The following KLHL2 variants were observed in gnomAD, a reference collection of about 807,000 sequenced individuals.
The protein encoded by KLHL2 is kelch like family member 2.
Under a neutral mutation model 75.8 loss-of-function variants are expected in KLHL2, and 15 were observed. The ratio of observed to expected loss-of-function variants is 0.20; its 90% confidence interval spans 0.13 to 0.30. The LOEUF is 0.30. Among genes scored for constraint, KLHL2 ranks in the 10% least tolerant of loss-of-function variants. KLHL2 has a pLI of 1.00. For missense variants in KLHL2, 381 were observed against 741.0 expected (o/e 0.51, Z 5.64); for synonymous variants, 214 against 251.9 (o/e 0.85, Z 1.42).
chr4:165,295,266 C>T (rs1037287206), intron 6 of KLHL2, among the ~76,000 whole-genome samples: 1 of 152,168 alleles, frequency 6.6e-6, no homozygotes, highest in African/African-American at 2.4e-5. Context: ...CTTAGCATTT[C>T]AAGTTGTGTA....
chr4:165,285,999 T>G (rs1396568337), intron 5 of KLHL2, among the ~76,000 whole-genome samples: 1 of 152,134 alleles, frequency 6.6e-6, no homozygotes, highest in Non-Finnish European at 1.5e-5. Context: ...GTTCTCAGAT[T>G]GGGCAAGATG....
chr4:165,210,120 A>G, intron 1 of KLHL2: 1 of 1,551,686 alleles, frequency 6.4e-7, no homozygotes, highest in East Asian at 2.4e-5. Flanking sequence ...TCAAAGAAAG[A>G]TGACCTGGAC....
At chr4:165,287,572 C>T (rs942358546) in intron 5 of KLHL2, among the ~76,000 whole-genome samples, 2 of 151,682 alleles carry the variant, frequency 1.3e-5, no homozygotes, top group Non-Finnish European at 2.9e-5. Flanking sequence ...AACCTCCATG[C>T]TTTTTTTTAT....
chr4:165,302,709 A>G (rs1745434781), intron 8 of KLHL2, among the ~76,000 whole-genome samples: 1 of 152,042 alleles, frequency 6.6e-6, no homozygotes, highest in Admixed American at 6.5e-5. Flanking sequence ...TTTTAAAAAT[A>G]TTTTTACCCA....
chr4:165,273,505 G>C (rs1429431348), intron 5 of KLHL2, among the ~76,000 whole-genome samples: 2 of 152,172 alleles, frequency 1.3e-5, no homozygotes, highest in African/African-American at 4.8e-5. Flanking sequence ...TGGTGGGAAG[G>C]ACCCAGTGGG....
At chr4:165,286,669 A>G (rs72995990) in intron 5 of KLHL2, among the ~76,000 whole-genome samples, 9,624 of 152,294 alleles carry the variant, frequency 0.063, 590 homozygotes, top group African/African-American at 0.16. Flanking sequence ...GCCAGAGGCT[A>G]TGCCATAACA....
At chr4:165,321,297 TCTC>T (rs777756254) in intron 14 of KLHL2, 21 of 455,960 alleles carry the variant, frequency 4.6e-5, no homozygotes, top group Non-Finnish European at 7.5e-5. Flanking sequence ...CTCTCCTCTT[TCTC>T]CTCCTCCTCA....
chr4:165,289,417 A>T (rs1013319682), intron 5 of KLHL2, among the ~76,000 whole-genome samples: 5 of 151,936 alleles, frequency 3.3e-5, no homozygotes, highest in African/African-American at 9.7e-5. Context: ...GAGAATTAGA[A>T]TTATTTAAAA....
chr4:165,321,946 GTAT>G, intron 14 of KLHL2, 83 bp from the exon 15 acceptor site: 1 of 1,153,248 alleles, frequency 8.7e-7, no homozygotes, highest in South Asian at 1.2e-5. Flanking sequence ...TCCTGCCTTC[GTAT>G]TATAATGAAG....
chr4:165,251,578 T>C (rs1005824018), intron 4 of KLHL2, among the ~76,000 whole-genome samples: 1 of 151,578 alleles, frequency 6.6e-6, no homozygotes, highest in African/African-American at 2.4e-5. Flanking sequence ...CTTATAAAGC[T>C]AGATGGATAC....
At chr4:165,227,141 A>G (rs957352247) in intron 2 of KLHL2, among the ~76,000 whole-genome samples, 3 of 152,192 alleles carry the variant, frequency 2.0e-5, no homozygotes, top group African/African-American at 7.2e-5. Flanking sequence ...TGGAGGAATT[A>G]TAAATTAGTG....
intron 5 of KLHL2, chr4:165,279,271 A>G (rs540760383): frequency 6.5e-7 from 1 of 1,534,028 alleles, no homozygotes; most frequent in South Asian, 1.1e-5. Flanking sequence ...TTTTACTAAG[A>G]CTCTCAACGG....
chr4:165,256,615 T>C (rs1741196910), intron 4 of KLHL2, among the ~76,000 whole-genome samples: 1 of 152,258 alleles, frequency 6.6e-6, no homozygotes, highest in African/African-American at 2.4e-5. Flanking sequence ...ACCCTTGTTA[T>C]ATTTGCTAGC....
intron 8 of KLHL2, among the ~76,000 whole-genome samples, chr4:165,302,266 A>G (rs908696013): frequency 4.6e-5 from 7 of 152,168 alleles, no homozygotes; most frequent in Admixed American, 2.0e-4. Context: ...CAATTTTCCA[A>G]CACCACCATT....
intron 5 of KLHL2, among the ~76,000 whole-genome samples, chr4:165,270,923 T>C (rs1320447898): frequency 6.6e-6 from 1 of 152,200 alleles, no homozygotes; most frequent in Non-Finnish European, 1.5e-5. Flanking sequence ...CCAGTTTATG[T>C]TTTTGTATGC....
At chr4:165,218,491 C>T (rs1200348845) in intron 1 of KLHL2, among the ~76,000 whole-genome samples, 2 of 152,122 alleles carry the variant, frequency 1.3e-5, no homozygotes, top group Admixed American at 1.3e-4. Flanking sequence ...ACCCTATTTA[C>T]TGCAGATTAC....
intron 5 of KLHL2, among the ~76,000 whole-genome samples, chr4:165,293,499 CTT>C (rs559134623): frequency 3.5e-5 from 5 of 142,824 alleles, no homozygotes; most frequent in East Asian, 2.0e-4. Flanking sequence ...TTCTGTCTCT[CTT>C]TTTTTTTTTT....
intron 4 of KLHL2, among the ~76,000 whole-genome samples, chr4:165,260,349 C>CA (rs1179344129): frequency 2.0e-5 from 3 of 151,776 alleles, no homozygotes; most frequent in East Asian, 1.9e-4. Context: ...TCACTGTCAT[C>CA]AAAAAAAATT....
intron 1 of KLHL2, among the ~76,000 whole-genome samples, chr4:165,217,047 T>C (rs900691851): frequency 3.3e-5 from 5 of 152,214 alleles, no homozygotes; most frequent in African/African-American, 1.2e-4. Flanking sequence ...TAAACACTCC[T>C]GACTCTTAAA....
Sources: allele counts gnomAD v4.1 joint callset (sites outside exome capture counted in the v4.1 genomes callset), GRCh38; gene constraint gnomAD v4.1.1; transcripts MANE v1.5; gene names NCBI Gene and HGNC (gene_info 2026-07-23, HGNC 2026-07-21).